The following MRPL46 variants were observed in gnomAD, a reference collection of about 807,000 sequenced individuals.
The protein encoded by MRPL46 is mitochondrial ribosomal protein L46.
In MRPL46, 26 loss-of-function variants were observed where a neutral mutation model predicts 31.0. The ratio of observed to expected loss-of-function variants is 0.84; its 90% CI spans 0.61 to 1.16. MRPL46 has a LOEUF of 1.16. Among genes scored for constraint, MRPL46 ranks in the 50% most tolerant of loss-of-function variants. MRPL46 has a pLI of 0.00. For synonymous variants in MRPL46, 159 were observed against 141.3 expected (o/e 1.13, Z -0.89); for missense variants, 395 against 340.0 (o/e 1.16, Z -1.27).
In MRPL46 at chr15:88,464,887, G is replaced by A; in HGVS notation, c.416-11C>T. 15 of 1,610,792 alleles carry A rather than the reference G, an allele frequency of 9.3e-6. No homozygotes were observed. Among genetic ancestry groups the A allele is most frequent in the Non-Finnish European group, 1.2e-5 (14 of 1,178,364 alleles). On this transcript the variant is annotated splice_polypyrimidine_tract_variant and intron_variant, in intron 2 of 3. Transcript: ENST00000312475. The stretch of plus-strand genomic sequence containing the variant: ...TCTTTTCATCAGCTTCTACAGCAAA[G>A]GGGGTCAGAGGAGGTAAGAAGACTG...
At chr15:88,466,722 T>C (rs1017064778) in intron 1 of MRPL46, among the ~76,000 whole-genome samples, 8 of 152,244 alleles carry the variant, frequency 5.3e-5, no homozygotes, top group African/African-American at 1.9e-4. Context: ...TTTTTGCCCA[T>C]GCTTCCTCAC....
At chr15:88,464,898 G>A in intron 2 of MRPL46, 22 bp from the exon 3 acceptor site, 2 of 1,601,898 alleles carry the variant, frequency 1.2e-6, no homozygotes, top group African/African-American at 1.3e-5. Context: ...GGGGTCAGAG[G>A]AGGTAAGAAG....
chr15:88,464,530 A>T (rs557151330), intron 3 of MRPL46, 173 bp downstream of exon 3: 169 of 661,228 alleles, frequency 2.6e-4, no homozygotes, highest in East Asian at 1.0e-3. Context: ...AAAATAAAAA[A>T]AAAATAAAAA....
At position 88,465,615 on chromosome 15, in the gene MRPL46, T is replaced by C. The variant is rs1311055220; in HGVS notation, c.387A>G (p.Leu129=). ...TTATGCGAGCTCCAAGTTTGAACTG[T>C]AGAAATTTCTGCTCCCACATATCTT... ...DLEDMWEQKF[L]QFKLGARITE... Residue 129 remains leucine (L), a synonymous_variant, in exon 2 of 4, where the codon CTA becomes CTG. Coordinates refer to ENST00000312475, the MANE Select transcript of MRPL46 (RefSeq NM_022163.4). 3.7e-6 allele frequency: 6 copies of C among 1,611,946 alleles called. No homozygotes were observed. The highest frequency in any genetic ancestry group is 5.1e-6 in the Non-Finnish European group (6 of 1,179,460).
intron 1 of MRPL46, 110 bp from the exon 2 acceptor site, chr15:88,465,883 T>C (rs1031751024): frequency 1.9e-6 from 2 of 1,029,368 alleles, no homozygotes; most frequent in African/African-American, 3.3e-5. Context: ...GCTCAGAAGT[T>C]TATCACCCAA....
At chr15:88,459,958 T>A in intron 3 of MRPL46, 95 bp from the exon 4 acceptor site, 1 of 1,484,260 alleles carries the variant, frequency 6.7e-7, no homozygotes, top group Middle Eastern at 1.8e-4. Flanking sequence ...CCCTGCAAGA[T>A]CTGGCCCTGA....
Position 88,463,220 on chromosome 15 carries a change from C to T in MRPL46, c.589+1483G>A, listed in dbSNP as rs1452440815. 1.3e-5 allele frequency: 2 copies of T among 152,256 alleles called. No individual in the cohort carries two copies. Among genetic ancestry groups the T allele is most frequent in the Non-Finnish European group, 2.9e-5 (2 of 68,062 alleles). 9.4% of individuals were successfully genotyped at this position (152,256 alleles called of 1,614,324 possible). On this transcript the variant is annotated intron_variant, in intron 3 of 3. Coordinates refer to ENST00000312475, the MANE Select transcript of MRPL46 (RefSeq NM_022163.4). The surrounding 1 kb of genome is among the most constrained non-coding windows in gnomAD (Gnocchi z 5.4). ...CCCTTGGGAGAGTCAAGGGAACACA[C>T]ACTGGCTACCGACATTTCGTTAGCA...
rs1459049475 is a variant in MRPL46 at position 88,459,759 on chromosome 15, A to C, written c.694T>G (p.Phe232Val). The C allele has an allele frequency of 1.2e-6, 2 of 1,614,200 alleles. No individual in the cohort carries two copies. Among genetic ancestry groups the C allele is most frequent in the African/African-American group, 1.3e-5 (1 of 75,044 alleles). Residue 232 changes from phenylalanine to valine, a missense_variant, in exon 4 of 4, where the codon TTC (phenylalanine) becomes GTC (valine). By Grantham distance (50) the Phe-to-Val change is conservative. Coordinates refer to ENST00000312475, the MANE Select transcript of MRPL46 (RefSeq NM_022163.4). ...GTTAATAGCAGTGCTTTGAAGAAGA[A>C]CACCTTGGCTCCGAGGTTACTCTCT... Reference protein sequence around the residue: ...RTESNLGAKVFFFKALLLTGD... With the variant: ...RTESNLGAKVVFFKALLLTGD...
rs1000988299 is a variant in MRPL46, at chr15:88,459,727, G to T, written c.726C>A (p.Asp242Glu). The T allele has an allele frequency of 6.2e-7, 1 of 1,614,078 alleles. No individual in the cohort carries two copies. Among genetic ancestry groups the T allele is most frequent in the Non-Finnish European group, 8.5e-7 (1 of 1,180,050 alleles). The change falls in exon 4 of 4, where the codon GAC (aspartate) becomes GAA (glutamate). Residue 242 changes from aspartate to glutamate, a missense_variant. Physicochemically the swap from Asp to Glu is conservative, Grantham distance 45. Transcript: ENST00000312475. ...GGCCCTTATTCCCAGCCTGGGAAAA[G>T]TCTCCAGTTAATAGCAGTGCTTTGA... ...FFFKALLLTGDFSQAGNKGHH... is the reference protein window; with the variant it reads ...FFFKALLLTGEFSQAGNKGHH...
chr15:88,462,156 T>C (rs956060023), intron 3 of MRPL46: 2 of 142,128 alleles, frequency 1.4e-5, no homozygotes, highest in Admixed American at 7.0e-5. Flanking sequence ...TTTCTCATAC[T>C]AAAAAAAAAA....
intron 1 of MRPL46, among the ~76,000 whole-genome samples, chr15:88,466,484 T>C (rs550435858): frequency 2.0e-5 from 3 of 152,344 alleles, no homozygotes; most frequent in Non-Finnish European, 4.4e-5. Context: ...AGCATCTCTA[T>C]CACTTAACAT....
intron 1 of MRPL46, among the ~76,000 whole-genome samples, chr15:88,466,021 C>A (rs556916830): frequency 9.5e-4 from 144 of 152,268 alleles, no homozygotes; most frequent in African/African-American, 3.4e-3. Context: ...AAGAGTGCTA[C>A]AAAAACAGAG....
Position 88,464,844 on chromosome 15 carries a change from T to C in MRPL46, c.448A>G (p.Asn150Asp). ...ADEKNDRTSL[N>D]RKLDRNLVLL... is the part of the protein sequence containing the mutation. ...ACAAGGTTCCTGTCTAGCTTCCTGTTCAGGGATGTTCGGTCATTCTTTTCA... is the reference window on the plus strand; with the variant it reads ...ACAAGGTTCCTGTCTAGCTTCCTGTCCAGGGATGTTCGGTCATTCTTTTCA... Residue 150 changes from asparagine (N) to aspartate (D), a missense_variant, in exon 3 of 4, where the codon AAC (asparagine) becomes GAC (aspartate). Coordinates refer to ENST00000312475, the MANE Select transcript of MRPL46 (RefSeq NM_022163.4). 6.2e-7 allele frequency: 1 copy of C among 1,614,086 alleles called. No individual in the cohort carries two copies. The highest frequency in any genetic ancestry group is 8.5e-7 in the Non-Finnish European group (1 of 1,179,990).
rs1477661432 is a variant in MRPL46 at position 88,459,530 on chromosome 15, T to C, written c.*83A>G. ...ATTTAGTTTGCTGCTTGATATTACC[T>C]GCAAATGTGAGGCAATCACACAATG... On this transcript the variant is annotated 3_prime_UTR_variant, in exon 4 of 4. Coordinates refer to ENST00000312475, the MANE Select transcript of MRPL46 (RefSeq NM_022163.4). The C allele has an allele frequency of 3.2e-6, 5 of 1,568,806 alleles. No individual in the cohort carries two copies. In the African/African-American group the frequency reaches 6.8e-5, roughly 21 times the overall value.
Position 88,465,744 on chromosome 15 carries a change from G to GTCTGAATA in MRPL46, c.250_257dup (p.His87IlefsTer54), listed in dbSNP as rs1254374978. 6 of 1,611,786 alleles carry GTCTGAATA rather than the reference G, an allele frequency of 3.7e-6. No homozygotes were observed. In the East Asian group the frequency reaches 6.7e-5, roughly 18 times the overall value. On this transcript the variant is annotated frameshift_variant, in exon 2 of 4. Coordinates refer to ENST00000312475, the MANE Select transcript of MRPL46 (RefSeq NM_022163.4). LOFTEE classifies it high-confidence loss of function. ...TTTCATCCAGAGCACGAAGCTCGTG[G>GTCTGAATA]TCTGAATACAGGCTTCTCTCTATCT...
chr15:88,467,217 T>C lies in MRPL46; in HGVS notation c.161A>G (p.Gln54Arg), dbSNP rs767817650. 6.2e-7 allele frequency: 1 copy of C among 1,614,136 alleles called. No homozygotes were observed. Among genetic ancestry groups the C allele is most frequent in the Admixed American group, 1.7e-5 (1 of 60,036 alleles). ...PWRLLGALCL[Q>R]RPPVVSKPLT... ...CGGCTTGGAGACTACAGGTGGCCGCTGCAGGCACAACGCGCCCAACAAGCG... is the reference window on the plus strand; with the variant it reads ...CGGCTTGGAGACTACAGGTGGCCGCCGCAGGCACAACGCGCCCAACAAGCG... The change falls in exon 1 of 4, where the codon CAG (glutamine) becomes CGG (arginine). Residue 54 changes from glutamine (Q) to arginine (R), a missense_variant. Transcript: ENST00000312475.
At chr15:88,462,301 C>A (rs185178705) in intron 3 of MRPL46, 2 of 152,270 alleles carry the variant, frequency 1.3e-5, no homozygotes, top group East Asian at 3.9e-4. Context: ...ATTTTCTAAA[C>A]TTAATCCCAT....
At position 88,465,737 on chromosome 15, in the gene MRPL46, G is replaced by A. The variant is rs1462657899; in HGVS notation, c.265C>T (p.Leu89Phe). ...CGCTGGTTTTCATCCAGAGCACGAA[G>A]CTCGTGGTCTGAATACAGGCTTCTC... ...IERSLYSDHELRALDENQRLA... is the reference protein window; with the variant it reads ...IERSLYSDHEFRALDENQRLA... The change falls in exon 2 of 4, where the codon CTT becomes TTT. Residue 89 changes from leucine to phenylalanine, a missense_variant. By Grantham distance (22) the Leu-to-Phe change is conservative (BLOSUM62 0). Transcript: ENST00000312475. 2 of 1,612,714 alleles carry A rather than the reference G, an allele frequency of 1.2e-6. No individual in the cohort carries two copies. The highest frequency in any genetic ancestry group is 1.7e-6 in the Non-Finnish European group (2 of 1,179,796).
Position 88,459,640 on chromosome 15 carries a change from T to G in MRPL46, c.813A>C (p.Gln271His), listed in dbSNP as rs757811126. Residue 271 changes from glutamine (Q) to histidine (H), a missense_variant, in exon 4 of 4, where the codon CAA becomes CAC. Transcript: ENST00000312475. Reference protein sequence around the residue: ...GDYLKPKYLAQVRRFVSDL With the variant: ...GDYLKPKYLAHVRRFVSDL ...AGAGGTCTGAAACAAACCTCCTAAC[T>G]TGGGCCAGGTATTTTGGTTTCAAAT... 4 of 1,614,158 alleles carry G rather than the reference T, an allele frequency of 2.5e-6. No individual in the cohort carries two copies. In the East Asian group the frequency reaches 8.9e-5, roughly 36 times the overall value.
Sources: allele counts gnomAD v4.1 joint callset (sites outside exome capture counted in the v4.1 genomes callset), GRCh38; gene constraint gnomAD v4.1.1; non-coding constraint Gnocchi (gnomAD v3.1); transcripts MANE v1.5; gene names NCBI Gene and HGNC (gene_info 2026-07-23, HGNC 2026-07-21).